PLEKHA7: variants seen among roughly 807,000 people sequenced by gnomAD.
PLEKHA7 encodes the protein pleckstrin homology domain containing A7, also known as pleckstrin homology domain-containing family A member 7.
Under a neutral mutation model 170.0 loss-of-function variants are expected in PLEKHA7, and 104 were observed. That is an observed-to-expected ratio of 0.61 (90% CI 0.52 to 0.72). The LOEUF (loss-of-function observed/expected upper bound fraction) is 0.72, where lower values mean the gene tolerates loss of function less well. Ranked by LOEUF, PLEKHA7 falls within the 30% of genes least tolerant of loss-of-function variation. The pLI is 0.00. For synonymous variants in PLEKHA7, 648 were observed against 660.8 expected, an observed-to-expected ratio of 0.98 and a Z score of 0.30; for missense variants, 1,615 against 1,671.7, an observed-to-expected ratio of 0.97 and a Z score of 0.59.
chr11:16,985,085 T>C (rs769293687), intron 3 of PLEKHA7, among the ~76,000 whole-genome samples: 8 of 152,248 alleles, frequency 5.3e-5, no homozygotes, highest in African/African-American at 9.6e-5. Flanking sequence ...CTCCTCACCC[T>C]GTCTGCATGT....
At chr11:16,816,403 G>T in intron 11 of PLEKHA7, 139 bp from the exon 12 acceptor site, 1 of 666,656 alleles carries the variant, frequency 1.5e-6, no homozygotes, top group Non-Finnish European at 2.7e-6. Flanking sequence ...TACTCTCAGG[G>T]TTAGAACACT....
intron 3 of PLEKHA7, among the ~76,000 whole-genome samples, chr11:16,921,585 C>T (rs762869040): frequency 2.6e-5 from 4 of 152,228 alleles, no homozygotes; most frequent in African/African-American, 4.8e-5. Context: ...TCTTCAGATG[C>T]ATGACTTCCA....
chr11:16,971,002 A>G (rs1862677204), intron 3 of PLEKHA7, among the ~76,000 whole-genome samples: 1 of 152,238 alleles, frequency 6.6e-6, no homozygotes, highest in South Asian at 2.1e-4. Flanking sequence ...GTAAAGAGCT[A>G]TGCAAACAAA....
chr11:16,843,253 T>G (rs1852114952), intron 8 of PLEKHA7, among the ~76,000 whole-genome samples: 1 of 152,198 alleles, frequency 6.6e-6, no homozygotes, highest in Non-Finnish European at 1.5e-5. Context: ...GGTTCAATAC[T>G]CTGAATCCAG....
At chr11:17,007,669 G>A (rs1865090142) in intron 3 of PLEKHA7, among the ~76,000 whole-genome samples, 2 of 150,664 alleles carry the variant, frequency 1.3e-5, no homozygotes, top group African/African-American at 4.9e-5. Flanking sequence ...CGCTTCCCAA[G>A]CTCAAGTGAT....
chr11:16,923,066 C>T (rs1179240262), intron 3 of PLEKHA7, among the ~76,000 whole-genome samples: 1 of 152,194 alleles, frequency 6.6e-6, no homozygotes, highest in Non-Finnish European at 1.5e-5. Flanking sequence ...TCACTTTCCC[C>T]CTAACCTATA....
Position 16,817,517 on chromosome 11 carries a change from T to G in PLEKHA7, c.1344-195A>C. ...AGACGACTCCAAAACCATTTTTCTCTGTCAACTTCCTCTGCCAGGACAACT... is the reference window on the plus strand; with the variant it reads ...AGACGACTCCAAAACCATTTTTCTCGGTCAACTTCCTCTGCCAGGACAACT... On this transcript the variant is annotated intron_variant, in intron 10 of 26. Transcript: ENST00000531066. The surrounding 1 kb of genome is among the most constrained non-coding windows in gnomAD (Gnocchi z 4.4). 1.9e-6 allele frequency: 1 copy of G among 529,476 alleles called. No individual in the cohort carries two copies. Among genetic ancestry groups the G allele is most frequent in the Non-Finnish European group, 3.2e-6 (1 of 309,400 alleles). 32.8% of individuals were successfully genotyped at this position (529,476 alleles called of 1,614,324 possible).
chr11:16,818,681 C>G (rs919713077), intron 10 of PLEKHA7, among the ~76,000 whole-genome samples: 2 of 152,222 alleles, frequency 1.3e-5, no homozygotes, highest in African/African-American at 4.8e-5. Context: ...GTGGTATTGT[C>G]CACAGTCTAA....
chr11:16,825,712 T>C (rs1177954780), intron 10 of PLEKHA7, among the ~76,000 whole-genome samples: 1 of 141,328 alleles, frequency 7.1e-6, no homozygotes, highest in African/African-American at 2.5e-5. Flanking sequence ...TGAATCTGTA[T>C]TTACTCTAGT....
intron 3 of PLEKHA7, among the ~76,000 whole-genome samples, chr11:16,981,355 G>A (rs1863414296): frequency 6.6e-6 from 1 of 152,156 alleles, no homozygotes; most frequent in African/African-American, 2.4e-5. Flanking sequence ...GGCACAGAGA[G>A]GTTCAGCTGG....
At chr11:16,784,988 G>T (rs960966744) in intron 24 of PLEKHA7, among the ~76,000 whole-genome samples, 1 of 152,192 alleles carries the variant, frequency 6.6e-6, no homozygotes, top group Admixed American at 6.5e-5. Context: ...CAGACCTTTG[G>T]CTGTTTCAGA....
intron 8 of PLEKHA7, among the ~76,000 whole-genome samples, chr11:16,844,570 C>T (rs1462446020): frequency 6.6e-6 from 1 of 152,234 alleles, no homozygotes; most frequent in Non-Finnish European, 1.5e-5. Flanking sequence ...GTTTTCTCTG[C>T]TCTTTGCTTT....
intron 17 of PLEKHA7, among the ~76,000 whole-genome samples, chr11:16,797,085 C>T (rs1848284544): frequency 6.6e-6 from 1 of 152,026 alleles, no homozygotes; most frequent in African/African-American, 2.4e-5. Flanking sequence ...CAAAAAAATA[C>T]ATATCTACAT....
chr11:16,788,823 C>T (rs1244793242), intron 23 of PLEKHA7: 5 of 541,784 alleles, frequency 9.2e-6, no homozygotes, highest in Admixed American at 3.2e-5. Flanking sequence ...CCTGCAAAGG[C>T]CCCTCTCCAT....
At chr11:16,914,378 C>T (rs1005740408) in intron 3 of PLEKHA7, among the ~76,000 whole-genome samples, 2 of 152,196 alleles carry the variant, frequency 1.3e-5, no homozygotes, top group Non-Finnish European at 2.9e-5. Context: ...TTCATCGGCA[C>T]AGCCATTATT....
chr11:17,014,119 G>A lies in PLEKHA7; in HGVS notation c.163+6C>T. On this transcript the variant is annotated splice_donor_region_variant and intron_variant, in intron 2 of 26. Transcript: ENST00000531066. ...CGCGCCCCCCACCCGCCGGCCCGGCGCCCACCTGAGCGGATCATGTGGCCC... is the reference window on the plus strand; with the variant it reads ...CGCGCCCCCCACCCGCCGGCCCGGCACCCACCTGAGCGGATCATGTGGCCC... The A allele has an allele frequency of 6.3e-7, 1 of 1,599,130 alleles. No homozygotes were observed. Among genetic ancestry groups the A allele is most frequent in the Non-Finnish European group, 8.5e-7 (1 of 1,174,294 alleles).
At chr11:16,914,795 G>T (rs142875287) in intron 3 of PLEKHA7, among the ~76,000 whole-genome samples, 1 of 152,334 alleles carries the variant, frequency 6.6e-6, no homozygotes, top group African/African-American at 2.4e-5. Flanking sequence ...ATGAGAAAAT[G>T]GAGGTTACGG....
chr11:16,877,850 A>C (rs1855420334), intron 3 of PLEKHA7, among the ~76,000 whole-genome samples: 1 of 152,160 alleles, frequency 6.6e-6, no homozygotes, highest in Admixed American at 6.5e-5. Context: ...AGGGGATAAA[A>C]ATGTCCCTCC....
chr11:16,975,068 T>C (rs1359301371), intron 3 of PLEKHA7: 2 of 713,768 alleles, frequency 2.8e-6, no homozygotes, highest in Non-Finnish European at 3.8e-6. Context: ...ATATACTATG[T>C]ATATATGTAC....
Sources: allele counts gnomAD v4.1 joint callset (sites outside exome capture counted in the v4.1 genomes callset), GRCh38; gene constraint gnomAD v4.1.1; non-coding constraint Gnocchi (gnomAD v3.1); transcripts MANE v1.5; gene names NCBI Gene and HGNC (gene_info 2026-07-23, HGNC 2026-07-21).